The following USP25 variants were observed in gnomAD, a reference collection of about 807,000 sequenced individuals.
USP25 encodes the protein ubiquitin specific peptidase 25, also known as ubiquitin carboxyl-terminal hydrolase 25.
Under a neutral mutation model 158.5 loss-of-function variants are expected in USP25, and 85 were observed. The observed-to-expected ratio is 0.54, with a 90% CI of 0.45 to 0.64. The LOEUF (loss-of-function observed/expected upper bound fraction) is 0.64. Ranked by LOEUF, USP25 falls within the 30% of genes least tolerant of loss-of-function variation. The probability of loss-of-function intolerance (pLI) is 0.00; values close to 1 mark genes in which losing one functional copy is unlikely to be tolerated. For missense variants in USP25, 1,242 were observed against 1,327.3 expected, an observed-to-expected ratio of 0.94 and a Z score of 1.00; for synonymous variants, 464 against 460.4, an observed-to-expected ratio of 1.01 and a Z score of -0.10.
At chr21:15,855,980 A>T (rs1601143027) in intron 20 of USP25, among the ~76,000 whole-genome samples, 1 of 152,206 alleles carries the variant, frequency 6.6e-6, no homozygotes. Context: ...CATGTTATAC[A>T]GTTGTCATTT....
chr21:15,863,540 T>C (rs994791059), intron 20 of USP25, among the ~76,000 whole-genome samples: 1 of 152,148 alleles, frequency 6.6e-6, no homozygotes, highest in Admixed American at 6.5e-5. Context: ...ATATATCAAC[T>C]CTAGAATTTT....
intron 1 of USP25, 123 bp downstream of exon 1, chr21:15,730,561 C>T (rs2030710511): frequency 2.7e-6 from 3 of 1,130,178 alleles, no homozygotes; most frequent in Middle Eastern, 3.6e-4. Flanking sequence ...CCGGTCACCC[C>T]CGGCCCCTGC....
chr21:15,874,309 T>C, intron 23 of USP25, 94 bp from the exon 24 acceptor site: 1 of 1,158,766 alleles, frequency 8.6e-7, no homozygotes, highest in Non-Finnish European at 1.2e-6. Context: ...TTATCAAAAC[T>C]TAAGCATATA....
Position 15,831,416 on chromosome 21 carries a change from C to T in USP25, c.1780C>T (p.His594Tyr), listed in dbSNP as rs1401312088. Residue 594 changes from histidine (H) to tyrosine (Y), a missense_variant, in exon 16 of 26, where the codon CAT becomes TAT. Physicochemically the swap from His to Tyr is moderately conservative, Grantham distance 83. Around this residue, in one of 3 missense-constraint regions of USP25, gnomAD observed 627 missense variants for 701.4 expected, o/e 0.89. Coordinates refer to ENST00000400183, the MANE Select transcript of USP25 (RefSeq NM_001283041.3). ...TCACATTTAGGTTCCTTATCGATTA[C>T]ATGCCGTTTTAGTTCACGAAGGCCA... is the stretch of plus-strand genomic sequence containing the variant. ...KSMIQVPYRL[H>Y]AVLVHEGQAN... is the part of the protein sequence containing the mutation. The T allele has an allele frequency of 6.2e-7, 1 of 1,613,818 alleles. No homozygotes were observed. The highest frequency in any genetic ancestry group is 8.5e-7 in the Non-Finnish European group (1 of 1,179,922).
Position 15,818,764 on chromosome 21 carries a change from T to G in USP25, c.998T>G (p.Leu333Arg). 1 of 1,613,944 alleles carries G rather than the reference T, an allele frequency of 6.2e-7. No individual in the cohort carries two copies. Among genetic ancestry groups the G allele is most frequent in the South Asian group, 1.1e-5 (1 of 91,068 alleles). Residue 333 changes from leucine to arginine, a missense_variant, in exon 10 of 26, where the codon CTG becomes CGG. By Grantham distance (102) the Leu-to-Arg change is moderately radical. Transcript: ENST00000400183. ...CTTCAGGTCAATGGGTTCAAAGATC[T>G]GCATGAGTGCCTAGAAGCTGCAATG... ...YPLQVNGFKD[L>R]HECLEAAMIE...
At chr21:15,796,871 G>A (rs1211124368) in intron 5 of USP25, among the ~76,000 whole-genome samples, 6 of 151,410 alleles carry the variant, frequency 4.0e-5, no homozygotes. Flanking sequence ...ACAGCACAGG[G>A]AAACTGGAAT....
In USP25 at chr21:15,787,580, C is replaced by T. The variant is rs540546709; in HGVS notation, c.393-3922C>T. 6.4e-4 allele frequency among the ~76,000 whole-genome samples: 97 copies of T among 152,122 alleles called. 1 individual carries two copies. Among genetic ancestry groups the T allele is most frequent in the African/African-American group, 2.1e-3 (88 of 41,520 alleles). On this transcript the variant is annotated intron_variant, in intron 4 of 25. Coordinates refer to ENST00000400183, the MANE Select transcript of USP25 (RefSeq NM_001283041.3). ...GAATACATAAATATTTTGAAACATT[C>T]GCTGTTTCATGAATTGGAAGACCAT...
intron 1 of USP25, among the ~76,000 whole-genome samples, chr21:15,733,309 C>T (rs1193568527): frequency 6.6e-6 from 1 of 151,892 alleles, no homozygotes; most frequent in Non-Finnish European, 1.5e-5. Context: ...TTGTTTCACT[C>T]TAGGGCTTAG....
chr21:15,786,914 G>T (rs761319699), intron 4 of USP25, among the ~76,000 whole-genome samples: 1 of 152,070 alleles, frequency 6.6e-6, no homozygotes, highest in Non-Finnish European at 1.5e-5. Flanking sequence ...AGTGAATTCA[G>T]TAAAAGTGTA....
intron 1 of USP25, among the ~76,000 whole-genome samples, chr21:15,749,986 C>T (rs993323803): frequency 1.2e-4 from 18 of 151,984 alleles, no homozygotes; most frequent in East Asian, 9.7e-4. Flanking sequence ...AGATGAGTGG[C>T]GTGGGTCTGG....
chr21:15,803,019 A>G (rs1008226143), intron 6 of USP25, among the ~76,000 whole-genome samples: 4 of 151,666 alleles, frequency 2.6e-5, no homozygotes, highest in Non-Finnish European at 5.9e-5. Flanking sequence ...GGAATATTAT[A>G]AACAGCAGAC....
Position 15,791,580 on chromosome 21 carries a change from C to T in USP25, c.471C>T (p.Asn157=), listed in dbSNP as rs61760220. The change falls in exon 5 of 26, where the codon AAC becomes AAT. Residue 157 remains asparagine (N), a synonymous_variant. Coordinates refer to ENST00000400183, the MANE Select transcript of USP25 (RefSeq NM_001283041.3). ...CAGAAGTTTGGAGGGATTCTCGAAA[C>T]CCTTATGATAGAAAAAGACAGGACA... ...TPTEVWRDSR[N]PYDRKRQDKA... The T allele has an allele frequency of 2.8e-4, 455 of 1,611,646 alleles. 1 individual carries two copies. The highest frequency in any genetic ancestry group is 2.0e-3 in the Middle Eastern group (12 of 6,050).
chr21:15,861,701 G>T (rs1403756151), intron 20 of USP25, among the ~76,000 whole-genome samples: 1 of 152,114 alleles, frequency 6.6e-6, no homozygotes, highest in Non-Finnish European at 1.5e-5. Context: ...ATTTATGCTA[G>T]TGAAAATGTT....
chr21:15,787,010 A>C (rs1438608900), intron 4 of USP25, among the ~76,000 whole-genome samples: 3 of 152,148 alleles, frequency 2.0e-5, no homozygotes, highest in African/African-American at 7.2e-5. Context: ...TTTCATTTAC[A>C]AGAGCTACAA....
At chr21:15,859,124 T>G (rs1048870430) in intron 20 of USP25, among the ~76,000 whole-genome samples, 2 of 148,888 alleles carry the variant, frequency 1.3e-5, no homozygotes, top group African/African-American at 2.4e-5. Context: ...GATATACAAA[T>G]TATATATATA....
At chr21:15,842,570 A>G in intron 18 of USP25, 30 bp downstream of exon 18, 2 of 1,609,994 alleles carry the variant, frequency 1.2e-6, no homozygotes, top group Non-Finnish European at 8.5e-7. Flanking sequence ...CTCTCTGAAC[A>G]TAGCCATGGT....
Position 15,765,723 on chromosome 21 carries a change from C to T in USP25, c.124-274C>T, listed in dbSNP as rs569647798. 1.1e-4 allele frequency among the ~76,000 whole-genome samples: 17 copies of T among 152,004 alleles called. No individual in the cohort carries two copies. The South Asian group carries it at 3.5e-3, about 32-fold the overall frequency. On this transcript the variant is annotated intron_variant, in intron 2 of 25. Transcript: ENST00000400183. The stretch of plus-strand genomic sequence containing the variant: ...TTCAAAAGTATAAGTTTGTGATTCA[C>T]TTTTATTAAGCAGATAGGAAAGTAA...
chr21:15,790,068 C>T (rs2035509205), intron 4 of USP25, among the ~76,000 whole-genome samples: 1 of 152,000 alleles, frequency 6.6e-6, no homozygotes, highest in Non-Finnish European at 1.5e-5. Context: ...TTCTATCTCT[C>T]CCTTGTATTC....
intron 17 of USP25, among the ~76,000 whole-genome samples, chr21:15,834,892 G>A (rs777492646): frequency 1.2e-4 from 18 of 152,198 alleles, no homozygotes; most frequent in Non-Finnish European, 2.5e-4. Flanking sequence ...GAAGCTATGT[G>A]GGTCCACAAC....
Sources: gnomAD v4.1 joint callset for allele counts (sites outside exome capture counted in the v4.1 genomes callset) on GRCh38, gnomAD v4.1.1 for gene constraint, gnomAD v4.1.1 regional missense constraint, MANE v1.5 for transcripts, NCBI Gene and HGNC (gene_info 2026-07-23, HGNC 2026-07-21) for gene names.